The following ZBTB20 variants were observed in gnomAD, a reference collection of about 807,000 sequenced individuals.
ZBTB20 encodes zinc finger and BTB domain containing 20.
In ZBTB20, 9 loss-of-function variants were observed where a neutral mutation model predicts 56.9. That is an observed-to-expected ratio of 0.16 (90% CI 0.10 to 0.28). The LOEUF is 0.28. Among genes scored for constraint, ZBTB20 ranks in the 10% least tolerant of loss-of-function variants. The pLI, the probability that ZBTB20 is intolerant of heterozygous loss-of-function variation, is 1.00. For missense variants in ZBTB20, 655 were observed against 1,003.0 expected (o/e 0.65, Z 4.69); for synonymous variants, 417 against 420.7 (o/e 0.99, Z 0.11).
chr3:114,628,077 T>G (rs555735253), intron 6 of ZBTB20, among the ~76,000 whole-genome samples: 1 of 152,312 alleles, frequency 6.6e-6, no homozygotes, highest in Non-Finnish European at 1.5e-5. Context: ...CCATAGTCTC[T>G]GCCAACACTA....
chr3:114,506,926 C>T (rs2044687469), intron 6 of ZBTB20, among the ~76,000 whole-genome samples: 1 of 152,198 alleles, frequency 6.6e-6, no homozygotes, highest in African/African-American at 2.4e-5. Flanking sequence ...ACGGTTCACA[C>T]TTGAATCTCC....
intron 1 of ZBTB20, among the ~76,000 whole-genome samples, chr3:115,110,659 T>G (rs1270938579): frequency 6.6e-6 from 1 of 152,176 alleles, no homozygotes; most frequent in East Asian, 1.9e-4. Context: ...TTTTGACTAG[T>G]TTATCAGTTT....
At chr3:115,066,886 C>G (rs1389309284) in intron 2 of ZBTB20, among the ~76,000 whole-genome samples, 1 of 152,018 alleles carries the variant, frequency 6.6e-6, no homozygotes, top group Non-Finnish European at 1.5e-5. Flanking sequence ...GATTAAAAAC[C>G]AGTTAAAACC....
intron 4 of ZBTB20, among the ~76,000 whole-genome samples, chr3:114,869,971 T>C (rs2075924042): frequency 6.6e-6 from 1 of 152,178 alleles, no homozygotes; most frequent in African/African-American, 2.4e-5. Flanking sequence ...TCACAAAATC[T>C]TCACACAATC....
rs2076851192 is a variant in ZBTB20 at position 114,945,378 on chromosome 3, G to GA, written c.-456+28987dup. 2.1e-5 allele frequency among the ~76,000 whole-genome samples: 3 copies of GA among 144,850 alleles called. No homozygotes were observed. The South Asian group carries it at 6.5e-4, about 31-fold the overall frequency. ...CAAGATTAGTATGCGTATAAGTATA[G>GA]AAAAATAATAAAAATAATGTTTTAG... On this transcript the variant is annotated intron_variant, in intron 3 of 11. Transcript: ENST00000675478.
chr3:114,820,277 A>T (rs2073165158), intron 4 of ZBTB20, among the ~76,000 whole-genome samples: 2 of 152,048 alleles, frequency 1.3e-5, no homozygotes, highest in Admixed American at 6.5e-5. Context: ...AATATTACAC[A>T]GCTAATGAAA....
rs1462260597 is a variant in ZBTB20, at chr3:114,327,172, T to C, written c.*11833A>G. On this transcript the variant is annotated 3_prime_UTR_variant, in exon 12 of 12. Coordinates refer to ENST00000675478, the MANE Select transcript of ZBTB20 (RefSeq NM_001348800.3). The stretch of plus-strand genomic sequence containing the variant: ...AATTCACACCCTGGAGTCTCTAGAA[T>C]ATCAAACAGGATTTAGACATTAATC... 2 of 152,108 alleles carry C rather than the reference T, an allele frequency of 1.3e-5. No individual in the cohort carries two copies. The highest frequency in any genetic ancestry group is 2.9e-5 in the Non-Finnish European group (2 of 68,008). The allele number at this position is 152,108 out of a possible 1,614,324, so 9.4% of individuals were successfully genotyped here. A position where few individuals can be genotyped will look rare whatever the true frequency, so the allele number is the denominator to read the frequency against.
intron 1 of ZBTB20, among the ~76,000 whole-genome samples, chr3:115,101,011 G>T (rs1243461100): frequency 6.6e-6 from 1 of 152,192 alleles, no homozygotes; most frequent in Non-Finnish European, 1.5e-5. Context: ...GACCAAAACA[G>T]AATTAAGCTT....
At chr3:114,472,041 A>G (rs1438238532) in intron 7 of ZBTB20, among the ~76,000 whole-genome samples, 3 of 152,200 alleles carry the variant, frequency 2.0e-5, no homozygotes, top group Admixed American at 1.3e-4. Context: ...GAGGGCACCA[A>G]AGATAATTTT....
rs537077018 is a variant in ZBTB20, at chr3:114,982,577, A to C, written c.-506-8161T>G. On this transcript the variant is annotated intron_variant, in intron 2 of 11. Coordinates refer to ENST00000675478, the MANE Select transcript of ZBTB20 (RefSeq NM_001348800.3). ...TTGCACAGAACAGGTTTTAGTTATAAATTCATTCCATTTAATTTTTATTGA... is the reference window on the plus strand; with the variant it reads ...TTGCACAGAACAGGTTTTAGTTATACATTCATTCCATTTAATTTTTATTGA... 2.0e-5 allele frequency among the ~76,000 whole-genome samples: 3 copies of C among 152,166 alleles called. No individual in the cohort carries two copies. The South Asian group carries it at 6.2e-4, about 32-fold the overall frequency.
intron 6 of ZBTB20, among the ~76,000 whole-genome samples, chr3:114,583,663 GAACT>G (rs1283943159): frequency 2.6e-5 from 4 of 152,064 alleles, no homozygotes; most frequent in Admixed American, 6.5e-5. Context: ...AAAATTAATT[GAACT>G]AACTAAGGTT....
At chr3:114,590,177 G>A (rs990918588) in intron 6 of ZBTB20, among the ~76,000 whole-genome samples, 6 of 152,120 alleles carry the variant, frequency 3.9e-5, no homozygotes, top group African/African-American at 1.2e-4. Flanking sequence ...GTTTCAGGCC[G>A]TGTGCGAAGG....
At chr3:114,365,421 C>A (rs1259498578) in intron 10 of ZBTB20, among the ~76,000 whole-genome samples, 1 of 152,190 alleles carries the variant, frequency 6.6e-6, no homozygotes, top group Admixed American at 6.5e-5. Context: ...GATTTCTATG[C>A]CAAGCTCTTG....
At chr3:114,793,771 C>G (rs890541146) in intron 5 of ZBTB20, among the ~76,000 whole-genome samples, 1 of 152,016 alleles carries the variant, frequency 6.6e-6, no homozygotes, top group Admixed American at 6.6e-5. Flanking sequence ...AATGCAGGCT[C>G]AAGCTTTTTT....
chr3:114,564,858 G>A (rs2052529593), intron 6 of ZBTB20, among the ~76,000 whole-genome samples: 1 of 152,158 alleles, frequency 6.6e-6, no homozygotes, highest in South Asian at 2.1e-4. Context: ...CACCAGCGTT[G>A]CAGGTGTTAA....
chr3:114,789,179 A>C (rs1227599048), intron 5 of ZBTB20, among the ~76,000 whole-genome samples: 1 of 152,188 alleles, frequency 6.6e-6, no homozygotes, highest in African/African-American at 2.4e-5. Context: ...TTATGTGTTC[A>C]AATTTGGTCA....
intron 2 of ZBTB20, among the ~76,000 whole-genome samples, chr3:115,056,627 T>C (rs922209443): frequency 1.3e-5 from 2 of 152,152 alleles, no homozygotes; most frequent in Admixed American, 6.5e-5. Context: ...CAAAAGTTAT[T>C]TTAAAAATAC....
intron 1 of ZBTB20, among the ~76,000 whole-genome samples, chr3:115,134,977 T>G (rs1251947483): frequency 1.3e-5 from 2 of 152,224 alleles, no homozygotes; most frequent in African/African-American, 4.8e-5. Flanking sequence ...ACCAGGACAT[T>G]CAGCTACTTT....
At chr3:114,529,243 T>C (rs2047567312) in intron 6 of ZBTB20, 1 of 152,180 alleles carries the variant, frequency 6.6e-6, no homozygotes, top group African/African-American at 2.4e-5. Context: ...AAAGTTCCTG[T>C]GTAATCATTG....
Sources: allele counts gnomAD v4.1 joint callset (sites outside exome capture counted in the v4.1 genomes callset), GRCh38; gene constraint gnomAD v4.1.1; transcripts MANE v1.5; gene names NCBI Gene and HGNC (gene_info 2026-07-23, HGNC 2026-07-21).